The following MYO5A variants were observed in gnomAD, a reference collection of about 807,000 sequenced individuals.
MYO5A encodes the protein unconventional myosin-Va.
A neutral mutation model predicts 249.7 loss-of-function variants in MYO5A; 98 were observed. That is an observed-to-expected ratio of 0.39 (90% CI 0.33 to 0.46). MYO5A has a LOEUF of 0.46. MYO5A is among the 20% of genes least tolerant of loss of function. The pLI, the probability that MYO5A is intolerant of heterozygous loss-of-function variation, is 0.98. For missense variants in MYO5A, 1,696 were observed against 2,308.8 expected (o/e 0.73, Z 5.44); for synonymous variants, 778 against 810.6 (o/e 0.96, Z 0.68).
intron 38 of MYO5A, among the ~76,000 whole-genome samples, chr15:52,320,514 C>T (rs1567016487): frequency 6.6e-6 from 1 of 152,148 alleles, no homozygotes; most frequent in Non-Finnish European, 1.5e-5. Flanking sequence ...ACCTAGGGTG[C>T]TTTAATGACG....
At chr15:52,433,026 T>A in intron 2 of MYO5A, 149 bp downstream of exon 2, 1 of 668,042 alleles carries the variant, frequency 1.5e-6, no homozygotes. Flanking sequence ...GATAGAAAAC[T>A]GAGTTTGCCA....
At chr15:52,329,364 C>T (rs189979767) in intron 35 of MYO5A, among the ~76,000 whole-genome samples, 73 of 152,298 alleles carry the variant, frequency 4.8e-4, no homozygotes, top group African/African-American at 1.7e-3. Context: ...TGGCACCTGG[C>T]GGGAGGAATG....
At chr15:52,490,799 G>A (rs2076920064) in intron 1 of MYO5A, among the ~76,000 whole-genome samples, 1 of 152,210 alleles carries the variant, frequency 6.6e-6, no homozygotes, top group African/African-American at 2.4e-5. Context: ...ACAGCTCACT[G>A]CAACCTCAAA....
At chr15:52,321,948 G>C (rs1277550518) in intron 37 of MYO5A, among the ~76,000 whole-genome samples, 1 of 152,020 alleles carries the variant, frequency 6.6e-6, no homozygotes, top group East Asian at 1.9e-4. Context: ...TCTTGAAATA[G>C]ACCGATTTCT....
intron 1 of MYO5A, among the ~76,000 whole-genome samples, chr15:52,481,343 C>T (rs1437061906): frequency 6.6e-6 from 1 of 152,196 alleles, no homozygotes; most frequent in Non-Finnish European, 1.5e-5. Flanking sequence ...TTACTTTATA[C>T]CCTAACTAAT....
intron 5 of MYO5A, among the ~76,000 whole-genome samples, chr15:52,411,317 G>T (rs1254723234): frequency 2.0e-5 from 3 of 152,114 alleles, no homozygotes; most frequent in Non-Finnish European, 4.4e-5. Context: ...TATTAGTAGA[G>T]TATTAGTATT....
intron 1 of MYO5A, among the ~76,000 whole-genome samples, chr15:52,511,405 A>G (rs1375482759): frequency 6.6e-6 from 1 of 152,130 alleles, no homozygotes; most frequent in Non-Finnish European, 1.5e-5. Context: ...GATTCAGTAC[A>G]TGTGTTTTTT....
intron 1 of MYO5A, 70 bp from the exon 2 acceptor site, chr15:52,433,355 T>C (rs1306082467): frequency 1.0e-5 from 8 of 782,526 alleles, no homozygotes; most frequent in Middle Eastern, 3.6e-4. Context: ...AAACATATGA[T>C]AACTATTTAT....
intron 4 of MYO5A, among the ~76,000 whole-genome samples, chr15:52,419,849 C>A (rs1595644512): frequency 6.6e-6 from 1 of 152,170 alleles, no homozygotes; most frequent in African/African-American, 2.4e-5. Context: ...TACTCTAGTT[C>A]TCTAATATAT....
intron 16 of MYO5A, among the ~76,000 whole-genome samples, chr15:52,382,568 T>C (rs2041800664): frequency 1.3e-5 from 2 of 152,170 alleles, no homozygotes; most frequent in Admixed American, 1.3e-4. Flanking sequence ...TGAAACTCTA[T>C]CTCAAAATAA....
intron 1 of MYO5A, among the ~76,000 whole-genome samples, chr15:52,449,826 C>T (rs2075976950): frequency 6.6e-6 from 1 of 152,116 alleles, no homozygotes; most frequent in Admixed American, 6.6e-5. Context: ...ACAGTGAGAC[C>T]TCACCTCTAC....
At chr15:52,391,340 G>T (rs1309662574) in intron 12 of MYO5A, among the ~76,000 whole-genome samples, 1 of 152,142 alleles carries the variant, frequency 6.6e-6, no homozygotes, top group Admixed American at 6.5e-5. Flanking sequence ...CCTCAATGTT[G>T]TAGGAAGTCT....
chr15:52,392,221 T>C lies in MYO5A; in HGVS notation c.1402-151A>G, dbSNP rs567295236. 8.3e-5 allele frequency: 62 copies of C among 751,446 alleles called. No individual in the cohort carries two copies. The East Asian group carries it at 1.7e-3, about 20-fold the overall frequency. 46.5% of individuals were successfully genotyped at this position (751,446 alleles called of 1,614,324 possible). ...ATGATTTACACACAGAGAAAGCAAA[T>C]AAAACAACAGGAAAACCTCAGCTAC... is the stretch of plus-strand genomic sequence containing the variant. On this transcript the variant is annotated intron_variant, in intron 11 of 41. Transcript: ENST00000399233.
intron 1 of MYO5A, among the ~76,000 whole-genome samples, chr15:52,472,546 C>T (rs138905572): frequency 2.0e-5 from 3 of 152,048 alleles, no homozygotes; most frequent in East Asian, 3.9e-4. Context: ...CCTCCCCCAT[C>T]CCCCCACCGC....
intron 1 of MYO5A, among the ~76,000 whole-genome samples, chr15:52,444,998 T>G (rs2075858380): frequency 6.6e-6 from 1 of 152,190 alleles, no homozygotes; most frequent in Admixed American, 6.5e-5. Context: ...TCCCTCCCAC[T>G]TATAACAGGC....
At chr15:52,314,321 G>T in intron 40 of MYO5A, 118 bp from the exon 41 acceptor site, 1 of 757,396 alleles carries the variant, frequency 1.3e-6, no homozygotes, top group Non-Finnish European at 2.3e-6. Flanking sequence ...TCAGGGGTGG[G>T]CTGGGACCAG....
intron 9 of MYO5A, among the ~76,000 whole-genome samples, chr15:52,400,401 G>C (rs1224332476): frequency 6.6e-6 from 1 of 152,090 alleles, no homozygotes; most frequent in Non-Finnish European, 1.5e-5. Flanking sequence ...CAGAAAAGTT[G>C]CAAGAATAGT....
At chr15:52,505,470 T>C (rs1312114002) in intron 1 of MYO5A, 3 of 1,027,186 alleles carry the variant, frequency 2.9e-6, no homozygotes, top group African/African-American at 1.6e-5. Flanking sequence ...GAGCTACAGA[T>C]AGTAAAGATG....
At chr15:52,393,635 T>C in intron 11 of MYO5A, among the ~76,000 whole-genome samples, 1 of 152,174 alleles carries the variant, frequency 6.6e-6, no homozygotes, top group Non-Finnish European at 1.5e-5. Flanking sequence ...CCTCATGATC[T>C]GCCTGTCTCG....
Sources: allele counts gnomAD v4.1 joint callset (sites outside exome capture counted in the v4.1 genomes callset), GRCh38; gene constraint gnomAD v4.1.1; transcripts MANE v1.5; gene names NCBI Gene and HGNC (gene_info 2026-07-23, HGNC 2026-07-21).